The following IL17RA variants were observed in gnomAD, a reference collection of about 807,000 sequenced individuals.
IL17RA encodes the protein interleukin-17 receptor A.
In IL17RA, 34 loss-of-function variants were observed where a neutral mutation model predicts 50.4. That is an observed-to-expected ratio of 0.67 (90% confidence interval 0.51 to 0.90). The LOEUF is 0.90. IL17RA is among the 40% of genes least tolerant of loss of function. IL17RA has a pLI of 0.00. For missense variants in IL17RA, 1,276 were observed against 1,169.8 expected (o/e 1.09, Z -1.32); for synonymous variants, 585 against 510.4 (o/e 1.15, Z -1.97).
chr22:17,100,884 C>G (rs2061388666), intron 5 of IL17RA, among the ~76,000 whole-genome samples: 1 of 152,216 alleles, frequency 6.6e-6, no homozygotes, highest in African/African-American at 2.4e-5. Flanking sequence ...TTCCACCTTA[C>G]ATTCTGCCTG....
In IL17RA at chr22:17,114,611, C is replaced by G. The variant is rs986018820; in HGVS notation, c.*4791C>G. On this transcript the variant is annotated 3_prime_UTR_variant, in exon 13 of 13. Transcript: ENST00000319363. ...GGAGAGGGAGTAGAAAGGAGGGATG[C>G]GGGTGGCTGGTCCCTGCATTTGCCT... is the stretch of plus-strand genomic sequence containing the variant. 2.0e-5 allele frequency: 3 copies of G among 152,326 alleles called. No individual in the cohort carries two copies. The highest frequency in any genetic ancestry group is 2.0e-4 in the Admixed American group (3 of 15,270). 9.4% of individuals were successfully genotyped at this position (152,326 alleles called of 1,614,324 possible). A position where few individuals can be genotyped will look rare whatever the true frequency, so the allele number is the denominator to read the frequency against.
In IL17RA at chr22:17,111,870, A is replaced by G. The variant is rs945716560; in HGVS notation, c.*2050A>G. The G allele has an allele frequency of 6.6e-6, 1 of 152,258 alleles. No individual in the cohort carries two copies. The highest frequency in any genetic ancestry group is 3.4e-3 in the Middle Eastern group (1 of 294). The allele number at this position is 152,258 out of a possible 1,614,324, so 9.4% of individuals were successfully genotyped here. On this transcript the variant is annotated 3_prime_UTR_variant, in exon 13 of 13. Transcript: ENST00000319363. ...TGCTAGTTGCGGAGTTTTTTCTTGC[A>G]GTTAGACTTTACCTAGTGGTAGCAG...
At chr22:17,101,901 T>G in intron 5 of IL17RA, 95 bp from the exon 6 acceptor site, 1 of 1,508,298 alleles carries the variant, frequency 6.6e-7, no homozygotes, top group Non-Finnish European at 9.2e-7. Context: ...AGGCTCCCAG[T>G]GGGGAAAAGA....
In IL17RA at chr22:17,108,340, C is replaced by G; in HGVS notation, c.1121C>G (p.Pro374Arg). 6.2e-7 allele frequency: 1 copy of G among 1,614,164 alleles called. No individual in the cohort carries two copies. The highest frequency in any genetic ancestry group is 8.5e-7 in the Non-Finnish European group (1 of 1,180,036). ...GLPAADLIPP[P>R]LKPRKVWIIY... The stretch of plus-strand genomic sequence containing the variant: ...CCTGCGGCTGACCTGATCCCCCCAC[C>G]GCTGAAGCCCAGGAAGGTCTGGATC... Residue 374 changes from proline to arginine, a missense_variant, in exon 13 of 13, where the codon CCG becomes CGG. Physicochemically the swap from Pro to Arg is moderately radical, Grantham distance 103. Coordinates refer to ENST00000319363, the MANE Select transcript of IL17RA (RefSeq NM_014339.7).
At position 17,109,591 on chromosome 22, in the gene IL17RA, A is replaced by C; in HGVS notation, c.2372A>C (p.Gln791Pro). 11 of 1,602,754 alleles carry C rather than the reference A, an allele frequency of 6.9e-6. No homozygotes were observed. Among genetic ancestry groups the C allele is most frequent in the Non-Finnish European group, 9.4e-6 (11 of 1,174,856 alleles). Residue 791 changes from glutamine (Q) to proline (P), a missense_variant, in exon 13 of 13, where the codon CAG becomes CCG. Coordinates refer to ENST00000319363, the MANE Select transcript of IL17RA (RefSeq NM_014339.7). ...GAGGAGGAGCAGCGGCAGTCAGTGC[A>C]GTCTGACCAGGGCTACATCTCCAGG... ...PYEEEQRQSV[Q>P]SDQGYISRSS...
rs555133069 is a variant in IL17RA, at chr22:17,114,601, A to T, written c.*4781A>T. The T allele has an allele frequency of 1.3e-5, 2 of 152,512 alleles. No homozygotes were observed. Among genetic ancestry groups the T allele is most frequent in the South Asian group, 2.1e-4 (1 of 4,832 alleles). The allele number at this position is 152,512 out of a possible 1,614,324, so 9.4% of individuals were successfully genotyped here. On this transcript the variant is annotated 3_prime_UTR_variant, in exon 13 of 13. Transcript: ENST00000319363. ...GGTAGGAGGAGGAGAGGGAGTAGAA[A>T]GGAGGGATGCGGGTGGCTGGTCCCT...
At position 17,105,963 on chromosome 22, in the gene IL17RA, T is replaced by G; in HGVS notation, c.1045+9T>G. 1.2e-6 allele frequency: 2 copies of G among 1,610,962 alleles called. No individual in the cohort carries two copies. The highest frequency in any genetic ancestry group is 1.7e-6 in the Non-Finnish European group (2 of 1,177,418). On this transcript the variant is annotated intron_variant, in intron 11 of 12. Transcript: ENST00000319363. ...GACCTGGAGGCTAGCTGGTAAGCGC[T>G]GGGGCTCTGGCTGTCCTGGAGTCAG...
At chr22:17,101,963 G>A (rs2061392948) in intron 5 of IL17RA, 33 bp from the exon 6 acceptor site, 1 of 1,613,962 alleles carries the variant, frequency 6.2e-7, no homozygotes, top group Non-Finnish European at 8.5e-7. Flanking sequence ...GAAGGCAGAG[G>A]CTTAATGAGT....
chr22:17,108,395 G>A lies in IL17RA; in HGVS notation c.1176G>A (p.Val392=). The A allele has an allele frequency of 6.2e-7, 1 of 1,614,088 alleles. No homozygotes were observed. Among genetic ancestry groups the A allele is most frequent in the Non-Finnish European group, 8.5e-7 (1 of 1,179,976 alleles). The change falls in exon 13 of 13, where the codon GTG becomes GTA. Residue 392 remains valine (V), a synonymous_variant. Transcript: ENST00000319363. The stretch of plus-strand genomic sequence containing the variant: ...ACTCAGCCGACCACCCCCTCTACGT[G>A]GACGTGGTCCTGAAATTCGCCCAGT... The part of the protein sequence containing the change: ...IIYSADHPLY[V]DVVLKFAQFL...
chr22:17,090,254 G>A (rs1293839357), intron 1 of IL17RA, among the ~76,000 whole-genome samples: 21 of 152,122 alleles, frequency 1.4e-4, no homozygotes, highest in Non-Finnish European at 2.8e-4. Flanking sequence ...GAACTCCTGA[G>A]CTCAGGCAAT....
Position 17,109,348 on chromosome 22 carries a change from G to A in IL17RA, c.2129G>A (p.Gly710Asp). 6.3e-7 allele frequency: 1 copy of A among 1,592,186 alleles called. No homozygotes were observed. The highest frequency in any genetic ancestry group is 1.1e-5 in the South Asian group (1 of 89,126). ...GCCTGCCCGCTGCTGGGCAGCCCGG[G>A]CGCTGGGCGAAATAGCGTCCTCTTC... Reference protein sequence around the residue: ...GEACPLLGSPGAGRNSVLFLP... With the variant: ...GEACPLLGSPDAGRNSVLFLP... The change falls in exon 13 of 13, where the codon GGC becomes GAC. Residue 710 changes from glycine (G) to aspartate (D), a missense_variant. Gly to Asp is a moderately conservative substitution (Grantham distance 94, BLOSUM62 -1). Coordinates refer to ENST00000319363, the MANE Select transcript of IL17RA (RefSeq NM_014339.7).
At position 17,110,119 on chromosome 22, in the gene IL17RA, G is replaced by A. The variant is rs1395110361; in HGVS notation, c.*299G>A. The stretch of plus-strand genomic sequence containing the variant: ...ATTTATTGTGCACCTACTATGTGGC[G>A]GGCATTTGGGATACCAAGATAAATT... On this transcript the variant is annotated 3_prime_UTR_variant, in exon 13 of 13. Coordinates refer to ENST00000319363, the MANE Select transcript of IL17RA (RefSeq NM_014339.7). 4 of 436,400 alleles carry A rather than the reference G, an allele frequency of 9.2e-6. No individual in the cohort carries two copies. The highest frequency in any genetic ancestry group is 4.8e-5 in the East Asian group (1 of 20,812). The allele number at this position is 436,400 out of a possible 1,614,324, so 27.0% of individuals were successfully genotyped here. A position where few individuals can be genotyped will look rare whatever the true frequency, so the allele number is the denominator to read the frequency against.
At chr22:17,104,583 G>A (rs539945067) in intron 8 of IL17RA, 143 bp from the exon 9 acceptor site, 29 of 762,016 alleles carry the variant, frequency 3.8e-5, no homozygotes, top group Admixed American at 8.0e-5. Flanking sequence ...TCGCTGACCC[G>A]CCCTTGCTGG....
At position 17,108,392 on chromosome 22, in the gene IL17RA, C is replaced by T. The variant is rs761716238; in HGVS notation, c.1173C>T (p.Tyr391=). ...WIIYSADHPL[Y]VDVVLKFAQF... ...TCTACTCAGCCGACCACCCCCTCTACGTGGACGTGGTCCTGAAATTCGCCC... is the reference window on the plus strand; with the variant it reads ...TCTACTCAGCCGACCACCCCCTCTATGTGGACGTGGTCCTGAAATTCGCCC... Residue 391 remains tyrosine (Y), a synonymous_variant, in exon 13 of 13, where the codon TAC becomes TAT. Coordinates refer to ENST00000319363, the MANE Select transcript of IL17RA (RefSeq NM_014339.7). 1 of 1,614,060 alleles carries T rather than the reference C, an allele frequency of 6.2e-7. No individual in the cohort carries two copies. The highest frequency in any genetic ancestry group is 8.5e-7 in the Non-Finnish European group (1 of 1,179,956).
chr22:17,086,163 C>T (rs2061327019), intron 1 of IL17RA, among the ~76,000 whole-genome samples: 1 of 152,100 alleles, frequency 6.6e-6, no homozygotes, highest in South Asian at 2.1e-4. Flanking sequence ...GAGCAAAACG[C>T]CGTGCCCCTC....
chr22:17,098,692 C>A (rs1262258998), intron 3 of IL17RA, 83 bp from the exon 4 acceptor site: 4 of 1,089,720 alleles, frequency 3.7e-6, no homozygotes, highest in Non-Finnish European at 4.2e-6. Flanking sequence ...AGTGAACAAC[C>A]GCAACAGATA....
intron 11 of IL17RA, among the ~76,000 whole-genome samples, chr22:17,106,292 A>G (rs2061414465): frequency 6.6e-6 from 1 of 152,216 alleles, no homozygotes; most frequent in Non-Finnish European, 1.5e-5. Flanking sequence ...CCCATCCTGC[A>G]GCCGCCAGAC....
In IL17RA at chr22:17,107,716, T is replaced by C. The variant is rs750091694; in HGVS notation, c.1046-11T>C. ...AAAGAACCACTCCAGTGTATTTCTT[T>C]TCCTTTCCAGGGCCTGGAAGTGAAA... On this transcript the variant is annotated splice_polypyrimidine_tract_variant and intron_variant, in intron 11 of 12. Coordinates refer to ENST00000319363, the MANE Select transcript of IL17RA (RefSeq NM_014339.7). The C allele has an allele frequency of 7.6e-5, 123 of 1,612,084 alleles. No individual in the cohort carries two copies. The highest frequency in any genetic ancestry group is 1.0e-4 in the Non-Finnish European group (120 of 1,178,178).
In IL17RA at chr22:17,109,438, T is replaced by C; in HGVS notation, c.2219T>C (p.Leu740Pro). 1 of 1,613,422 alleles carries C rather than the reference T, an allele frequency of 6.2e-7. No individual in the cohort carries two copies. The highest frequency in any genetic ancestry group is 8.5e-7 in the Non-Finnish European group (1 of 1,179,988). The change falls in exon 13 of 13, where the codon CTT becomes CCT. Residue 740 changes from leucine to proline, a missense_variant. Physicochemically the swap from Leu to Pro is moderately conservative, Grantham distance 98. Transcript: ENST00000319363. Reference protein sequence around the residue: ...SSTPMASPDLLPEDVREHLEG... With the variant: ...SSTPMASPDLPPEDVREHLEG... ...ACCCCCATGGCGTCTCCTGACCTCC[T>C]TCCAGAGGACGTGAGGGAGCACCTC...
Sources: allele counts gnomAD v4.1 joint callset (sites outside exome capture counted in the v4.1 genomes callset), GRCh38; gene constraint gnomAD v4.1.1; transcripts MANE v1.5; gene names NCBI Gene and HGNC (gene_info 2026-07-23, HGNC 2026-07-21).